PACSIN2: variants seen among roughly 807,000 people sequenced by gnomAD.
The protein encoded by PACSIN2 is protein kinase C and casein kinase substrate in neurons 2, also known as protein kinase C and casein kinase substrate in neurons protein 2.
Under a neutral mutation model 63.8 loss-of-function variants are expected in PACSIN2, and 25 were observed. The ratio of observed to expected loss-of-function variants is 0.39; its 90% CI spans 0.29 to 0.55. The LOEUF is 0.55. Among genes scored for constraint, PACSIN2 ranks in the 20% least tolerant of loss-of-function variants. The pLI is 0.62. For missense variants in PACSIN2, 518 were observed against 646.9 expected (o/e 0.80, Z 2.16); for synonymous variants, 255 against 256.2 (o/e 1.00, Z 0.05).
intron 1 of PACSIN2, among the ~76,000 whole-genome samples, chr22:42,943,847 G>A (rs553310437): frequency 2.6e-5 from 4 of 152,196 alleles, no homozygotes; most frequent in South Asian, 4.1e-4. Flanking sequence ...CAAAACTTAC[G>A]TTAAACTTTT....
chr22:42,891,697 C>T (rs543231424), intron 3 of PACSIN2, among the ~76,000 whole-genome samples: 11 of 152,302 alleles, frequency 7.2e-5, no homozygotes, highest in South Asian at 4.1e-4. Flanking sequence ...TGAGCCACCG[C>T]GCCCGGCCAT....
chr22:42,904,061 A>T (rs1930889381), intron 2 of PACSIN2, among the ~76,000 whole-genome samples: 1 of 152,224 alleles, frequency 6.6e-6, no homozygotes, highest in Non-Finnish European at 1.5e-5. Context: ...AAAATAGATG[A>T]CACAGAAACC....
At chr22:42,943,247 C>A (rs939834669) in intron 1 of PACSIN2, among the ~76,000 whole-genome samples, 4 of 152,294 alleles carry the variant, frequency 2.6e-5, no homozygotes, top group Middle Eastern at 3.4e-3. Context: ...TTATATCCTA[C>A]AACCTTGCTG....
chr22:42,887,064 C>T (rs994432102), intron 5 of PACSIN2, among the ~76,000 whole-genome samples: 7 of 152,314 alleles, frequency 4.6e-5, no homozygotes, highest in African/African-American at 1.4e-4. Flanking sequence ...GGCAAAGGCC[C>T]GAGAGTTCTC....
intron 1 of PACSIN2, among the ~76,000 whole-genome samples, chr22:42,934,323 G>A (rs1199064743): frequency 6.6e-6 from 1 of 152,210 alleles, no homozygotes; most frequent in East Asian, 1.9e-4. Context: ...AATTTCTACG[G>A]GAAACGCAAG....
chr22:42,960,392 A>T (rs1392796232), intron 1 of PACSIN2, among the ~76,000 whole-genome samples: 2 of 152,234 alleles, frequency 1.3e-5, no homozygotes, highest in Non-Finnish European at 2.9e-5. Flanking sequence ...AGCCTCATGC[A>T]GGAGACAGGA....
At chr22:43,002,164 G>T (rs1248464583) in intron 1 of PACSIN2, 1 of 152,236 alleles carries the variant, frequency 6.6e-6, no homozygotes, top group Non-Finnish European at 1.5e-5. Context: ...GAACCCCCAT[G>T]AGAGCAGCAT....
At position 42,876,219 on chromosome 22, in the gene PACSIN2, G is replaced by C; in HGVS notation, c.1266C>G (p.Asp422Glu). 6.2e-7 allele frequency: 1 copy of C among 1,614,194 alleles called. No homozygotes were observed. Among genetic ancestry groups the C allele is most frequent in the Non-Finnish European group, 8.5e-7 (1 of 1,180,006 alleles). ...ANGDSNPFDD[D>E]ATSGTEVRVR... ...CTCGCACTTCCGTCCCCGAGGTGGC[G>C]TCGTCGTCGAATGGATTCGAGTCCC... is the stretch of plus-strand genomic sequence containing the variant. Residue 422 changes from aspartate to glutamate, a missense_variant, in exon 10 of 11, where the codon GAC becomes GAG. Asp to Glu is a conservative substitution (Grantham distance 45). This residue lies in a region of PACSIN2 where 507 missense variants were observed against 612.3 expected (regional missense o/e 0.83). Transcript: ENST00000263246.
intron 1 of PACSIN2, among the ~76,000 whole-genome samples, chr22:43,013,490 T>C (rs1413163952): frequency 1.3e-5 from 2 of 152,226 alleles, no homozygotes; most frequent in African/African-American, 4.8e-5. Context: ...CAAGTTGCAC[T>C]GGCACAGCTT....
intron 1 of PACSIN2, among the ~76,000 whole-genome samples, chr22:42,995,517 G>T (rs1048039363): frequency 6.6e-6 from 1 of 152,150 alleles, no homozygotes; most frequent in African/African-American, 2.4e-5. Context: ...GACCTTAAAA[G>T]TCACAGCAAG....
chr22:42,914,141 G>A (rs2267472), intron 1 of PACSIN2, among the ~76,000 whole-genome samples: 29,900 of 152,246 alleles, frequency 0.2, 5,065 homozygotes, highest in East Asian at 0.73. Context: ...TTAGGGCTCT[G>A]CTCCATAATC....
At chr22:43,003,472 G>A (rs1470649101) in intron 1 of PACSIN2, among the ~76,000 whole-genome samples, 1 of 152,068 alleles carries the variant, frequency 6.6e-6, no homozygotes, top group Non-Finnish European at 1.5e-5. Flanking sequence ...GCGTGGTGGC[G>A]GGCACCTGTA....
chr22:42,981,866 G>A (rs1922181455), intron 1 of PACSIN2, among the ~76,000 whole-genome samples: 1 of 115,116 alleles, frequency 8.7e-6, no homozygotes, highest in African/African-American at 3.3e-5. Context: ...CGTCCGGGAG[G>A]GAGGTGGGGG....
intron 1 of PACSIN2, among the ~76,000 whole-genome samples, chr22:42,998,702 C>T (rs1923569823): frequency 2.0e-5 from 3 of 152,168 alleles, no homozygotes; most frequent in African/African-American, 4.8e-5. Context: ...GTGAGAGCCC[C>T]ACCCTCAAGC....
At chr22:42,974,019 G>A (rs1921509552) in intron 1 of PACSIN2, among the ~76,000 whole-genome samples, 2 of 152,190 alleles carry the variant, frequency 1.3e-5, no homozygotes, top group Non-Finnish European at 2.9e-5. Flanking sequence ...ATTTACCTCA[G>A]AGCCTCTGTT....
chr22:42,878,488 A>G (rs1381252048), intron 8 of PACSIN2, among the ~76,000 whole-genome samples: 2 of 152,214 alleles, frequency 1.3e-5, no homozygotes, highest in Non-Finnish European at 1.5e-5. Flanking sequence ...AGAAGGTTCT[A>G]ATGACCACAG....
At chr22:42,881,262 C>A (rs946293226) in intron 7 of PACSIN2, among the ~76,000 whole-genome samples, 1 of 152,188 alleles carries the variant, frequency 6.6e-6, no homozygotes, top group African/African-American at 2.4e-5. Flanking sequence ...GGGTCAATAG[C>A]CCTGCGTGGA....
In PACSIN2 at chr22:42,923,655, C is replaced by T. The variant is rs376022800; in HGVS notation, c.-77-11498G>A. 4.8e-3 allele frequency among the ~76,000 whole-genome samples: 731 copies of T among 152,262 alleles called. 1 individual carries two copies. Among genetic ancestry groups the T allele is most frequent in the African/African-American group, 0.015 (637 of 41,572 alleles). ...TGTCAGCCAGGATGGTCTCGATCTC[C>T]TGACCTCGTGATCCGCCCGCCTCGG... On this transcript the variant is annotated intron_variant, in intron 1 of 10. Transcript: ENST00000263246.
chr22:42,921,372 G>GA (rs66480466), intron 1 of PACSIN2, among the ~76,000 whole-genome samples: 2,388 of 125,016 alleles, frequency 0.019, 67 homozygotes, highest in Admixed American at 0.094. Context: ...AAAGAAAAAA[G>GA]AAAAAAAAAA....
Sources: gnomAD v4.1 joint callset for allele counts (sites outside exome capture counted in the v4.1 genomes callset) on GRCh38, gnomAD v4.1.1 for gene constraint, gnomAD v4.1.1 regional missense constraint, MANE v1.5 for transcripts, NCBI Gene and HGNC (gene_info 2026-07-23, HGNC 2026-07-21) for gene names.